Variants in LTBP2 observed in about 807,000 individuals in gnomAD.
The protein encoded by LTBP2 is latent transforming growth factor beta binding protein 2.
A neutral mutation model predicts 210.6 loss-of-function variants in LTBP2; 103 were observed. The ratio of observed to expected loss-of-function variants is 0.49; its 90% CI spans 0.42 to 0.58. The LOEUF is 0.58. Ranked by LOEUF, LTBP2 falls within the 20% of genes least tolerant of loss-of-function variation. The probability of loss-of-function intolerance (pLI) is 0.00; values close to 1 mark genes in which losing one functional copy is unlikely to be tolerated. For missense variants in LTBP2, 2,313 were observed against 2,494.5 expected (o/e 0.93, Z 1.55); for synonymous variants, 1,007 against 1,015.0 (o/e 0.99, Z 0.15).
chr14:74,550,457 A>G (rs1181801002), intron 7 of LTBP2, among the ~76,000 whole-genome samples: 1 of 152,192 alleles, frequency 6.6e-6, no homozygotes, highest in Non-Finnish European at 1.5e-5. Flanking sequence ...GTTTCTGGAA[A>G]TACCTTAGTT....
intron 4 of LTBP2, among the ~76,000 whole-genome samples, chr14:74,554,880 G>C (rs570679969): frequency 1.5e-3 from 223 of 152,236 alleles, no homozygotes; most frequent in Non-Finnish European, 2.6e-3. Context: ...GATGTAAACA[G>C]GGTAGTGGTG....
chr14:74,574,198 C>T, intron 3 of LTBP2, among the ~76,000 whole-genome samples: 1 of 152,234 alleles, frequency 6.6e-6, no homozygotes, highest in East Asian at 1.9e-4. Context: ...TAATGCTGCA[C>T]TGCTAAAGTT....
At chr14:74,583,934 C>T (rs1161999768) in intron 3 of LTBP2, among the ~76,000 whole-genome samples, 1 of 152,228 alleles carries the variant, frequency 6.6e-6, no homozygotes, top group East Asian at 1.9e-4. Context: ...GCAGGGGCCT[C>T]ACCTCCTCCT....
intron 2 of LTBP2, among the ~76,000 whole-genome samples, chr14:74,595,558 T>G (rs1826650040): frequency 6.6e-6 from 1 of 152,206 alleles, no homozygotes; most frequent in Admixed American, 6.5e-5. Context: ...GAGACAGTTC[T>G]AGGCTGGAGT....
At chr14:74,549,677 C>A (rs993525616) in intron 8 of LTBP2, among the ~76,000 whole-genome samples, 186 bp downstream of exon 8, 6 of 152,234 alleles carry the variant, frequency 3.9e-5, no homozygotes, top group Non-Finnish European at 7.3e-5. Flanking sequence ...ACTGCACCAG[C>A]AGAGGGCTGC....
rs1358353511 is a variant in LTBP2 at position 74,586,167 on chromosome 14, A to G, written c.566-49T>C. 6.4e-7 allele frequency: 1 copy of G among 1,552,998 alleles called. No individual in the cohort carries two copies. ...ACAGCAGTGGCCATAGGGCACTGAG[A>G]CCACAGCTGCCCACACCTTCCTGTC... On this transcript the variant is annotated intron_variant, in intron 2 of 35. Transcript: ENST00000261978. This position sits in a 1 kb window ranked among gnomAD's most constrained non-coding sequence, Gnocchi z 4.6.
chr14:74,569,889 G>C (rs2087952862), intron 3 of LTBP2, among the ~76,000 whole-genome samples: 1 of 152,054 alleles, frequency 6.6e-6, no homozygotes, highest in African/African-American at 2.4e-5. Context: ...AAAACCCACA[G>C]TCCTAAAGCT....
intron 17 of LTBP2, among the ~76,000 whole-genome samples, chr14:74,520,880 T>C (rs2087193302): frequency 6.6e-6 from 1 of 152,194 alleles, no homozygotes; most frequent in Non-Finnish European, 1.5e-5. Flanking sequence ...AATAATCTCA[T>C]ACAGAACAAC....
At chr14:74,523,000 G>A (rs988219337) in intron 15 of LTBP2, 82 bp from the exon 16 acceptor site, 2 of 1,540,356 alleles carry the variant, frequency 1.3e-6, no homozygotes, top group Admixed American at 1.9e-5. Context: ...GACAGTCAGT[G>A]GCCAGGGTCT....
chr14:74,540,896 A>T (rs1392096087), intron 8 of LTBP2, among the ~76,000 whole-genome samples: 7 of 88,380 alleles, frequency 7.9e-5, no homozygotes, highest in Non-Finnish European at 1.1e-4. Flanking sequence ...ATTATATATT[A>T]AAAATATATA....
rs760773730 is a variant in LTBP2, at chr14:74,603,675, T to C, written c.525A>G (p.Pro175=). Residue 175 remains proline (P), a synonymous_variant, in exon 2 of 36, where the codon CCA becomes CCG. Coordinates refer to ENST00000261978, the MANE Select transcript of LTBP2 (RefSeq NM_000428.3). ...TGGTGCTGTTTGCTGTTGTCCATCC[T>C]GGGCAGCACTGTCCCCCGCAGACGT... ...GRNVCGGQCC[P]GWTTANSTNH... The C allele has an allele frequency of 2.2e-5, 35 of 1,614,082 alleles. No homozygotes were observed. The highest frequency in any genetic ancestry group is 9.3e-6 in the Non-Finnish European group (11 of 1,180,050).
chr14:74,552,445 C>T, intron 5 of LTBP2, 52 bp from the exon 6 acceptor site: 1 of 1,541,220 alleles, frequency 6.5e-7, no homozygotes, highest in Non-Finnish European at 8.9e-7. Context: ...GCAGCACCCG[C>T]TCTGTGGCTG....
chr14:74,609,225 A>T (rs1376209860), intron 1 of LTBP2, among the ~76,000 whole-genome samples: 1 of 152,100 alleles, frequency 6.6e-6, no homozygotes, highest in East Asian at 1.9e-4. Context: ...GGCTGACTGG[A>T]GTGTCAGGGA....
Position 74,611,846 on chromosome 14 carries a change from A to T in LTBP2, c.99T>A (p.Gly33=). 1 of 1,611,066 alleles carries T rather than the reference A, an allele frequency of 6.2e-7. No homozygotes were observed. Among genetic ancestry groups the T allele is most frequent in the Non-Finnish European group, 8.5e-7 (1 of 1,179,570 alleles). ...TCCCTACGGGGTCCCTTTGGGCATG[A>T]CCCGCGCCCACGAAGAGAGCCAGGG... ...PLTLALFVGA[G]HAQRDPVGRY... Residue 33 remains glycine, a synonymous_variant, in exon 1 of 36, where the codon GGT becomes GGA. Coordinates refer to ENST00000261978, the MANE Select transcript of LTBP2 (RefSeq NM_000428.3).
chr14:74,564,306 T>TA (rs2087865396), intron 3 of LTBP2, among the ~76,000 whole-genome samples: 1 of 52,824 alleles, frequency 1.9e-5, no homozygotes, highest in Non-Finnish European at 3.1e-5. Context: ...TTTATATATA[T>TA]TTATATATAT....
At chr14:74,536,776 G>T (rs555541752) in intron 8 of LTBP2, among the ~76,000 whole-genome samples, 146 of 152,286 alleles carry the variant, frequency 9.6e-4, no homozygotes, top group African/African-American at 3.4e-3. Flanking sequence ...AACCCAGGAG[G>T]GGGAGGTCGC....
chr14:74,517,472 G>A (rs1432638230), intron 17 of LTBP2, among the ~76,000 whole-genome samples: 1 of 152,150 alleles, frequency 6.6e-6, no homozygotes, highest in Non-Finnish European at 1.5e-5. Flanking sequence ...CCTGGCTCAA[G>A]CGATTCTCCT....
chr14:74,547,044 G>A (rs909406080), intron 8 of LTBP2, among the ~76,000 whole-genome samples: 1 of 152,242 alleles, frequency 6.6e-6, no homozygotes, highest in Non-Finnish European at 1.5e-5. Flanking sequence ...GCCCTGGCAT[G>A]GACCTCACAG....
In LTBP2 at chr14:74,508,063, C is replaced by T; in HGVS notation, c.3685G>A (p.Val1229Met). ...TCGGTGTTGACACAGTGCCCTCCCA[C>T]ACACGGGTCTGTGGTGGCACACTCG... Reference protein sequence around the residue: ...VDECATTDPCVGGHCVNTEGS... With the variant: ...VDECATTDPCMGGHCVNTEGS... The change falls in exon 25 of 36, where the codon GTG (valine) becomes ATG (methionine). Residue 1229 changes from valine (V) to methionine (M), a missense_variant. Physicochemically the swap from Val to Met is conservative, Grantham distance 21. Transcript: ENST00000261978. The T allele has an allele frequency of 3.7e-6, 6 of 1,613,964 alleles. No individual in the cohort carries two copies. The highest frequency in any genetic ancestry group is 5.1e-6 in the Non-Finnish European group (6 of 1,180,026).
Sources: allele counts gnomAD v4.1 joint callset (sites outside exome capture counted in the v4.1 genomes callset), GRCh38; gene constraint gnomAD v4.1.1; non-coding constraint Gnocchi (gnomAD v3.1); transcripts MANE v1.5; gene names NCBI Gene and HGNC (gene_info 2026-07-23, HGNC 2026-07-21).